GLIS3: variants seen among roughly 807,000 people sequenced by gnomAD.
The protein encoded by GLIS3 is GLIS family zinc finger 3.
In GLIS3, 53 loss-of-function variants were observed where a neutral mutation model predicts 78.6. The observed-to-expected ratio is 0.67, with a 90% CI of 0.54 to 0.85. GLIS3 has a LOEUF of 0.85. Among genes scored for constraint, GLIS3 ranks in the 40% least tolerant of loss-of-function variants. GLIS3 has a pLI of 0.00. For synonymous variants in GLIS3, 684 were observed against 509.9 expected, an observed-to-expected ratio of 1.34 and a Z score of -4.60; for missense variants, 1,703 against 1,231.1, an observed-to-expected ratio of 1.38 and a Z score of -5.74.
chr9:4,216,292 GA>G (rs1435785242), intron 2 of GLIS3, among the ~76,000 whole-genome samples: 3 of 151,788 alleles, frequency 2.0e-5, no homozygotes, highest in African/African-American at 7.3e-5. Flanking sequence ...CTAACATGGT[GA>G]AACCCCGCCT....
chr9:4,041,553 A>G (rs1824811880), intron 4 of GLIS3, among the ~76,000 whole-genome samples: 1 of 152,190 alleles, frequency 6.6e-6, no homozygotes, highest in African/African-American at 2.4e-5. Flanking sequence ...CTGTGATGTT[A>G]TCAGGTGCCT....
chr9:3,833,570 G>A (rs62521410), intron 9 of GLIS3, among the ~76,000 whole-genome samples: 29,622 of 152,136 alleles, frequency 0.19, 3,187 homozygotes, highest in Non-Finnish European at 0.24. Context: ...CAATCTGTCC[G>A]TCAGTCAATA....
At chr9:4,068,777 T>TTCTTCTG (rs1827321972) in intron 4 of GLIS3, among the ~76,000 whole-genome samples, 2 of 152,186 alleles carry the variant, frequency 1.3e-5, no homozygotes, top group Non-Finnish European at 2.9e-5. Flanking sequence ...GGGATTTTTT[T>TTCTTCTG]TCTTTCTTGA....
the GLIS3 span, among the ~76,000 whole-genome samples, chr9:4,447,638 G>C: frequency 6.6e-6 from 1 of 152,158 alleles, no homozygotes; most frequent in Non-Finnish European, 1.5e-5. Context: ...CTGAACCTCA[G>C]TCTGCTTCTA....
At chr9:4,319,345 A>T (rs1817486124) in intron 2 of GLIS3, among the ~76,000 whole-genome samples, 1 of 152,310 alleles carries the variant, frequency 6.6e-6, no homozygotes, top group Non-Finnish European at 1.5e-5. Flanking sequence ...GGGAGCAGGA[A>T]GAAACAGAAC....
the GLIS3 span, among the ~76,000 whole-genome samples, chr9:4,472,421 G>A: frequency 6.6e-6 from 1 of 152,298 alleles, no homozygotes; most frequent in East Asian, 1.9e-4. Context: ...GGAATACTAT[G>A]CAGCCATAAA....
the GLIS3 span, among the ~76,000 whole-genome samples, chr9:4,405,213 G>A: frequency 5.3e-5 from 8 of 152,176 alleles, no homozygotes; most frequent in East Asian, 1.5e-3. Flanking sequence ...AATTAGCCAG[G>A]TTTGGTGGTG....
chr9:4,116,942 T>C (rs1831692322), intron 4 of GLIS3, among the ~76,000 whole-genome samples: 3 of 152,216 alleles, frequency 2.0e-5, no homozygotes, highest in African/African-American at 7.2e-5. Flanking sequence ...TTATAAACCC[T>C]GAGGGTTTCT....
chr9:4,160,924 A>G (rs1835420991), intron 2 of GLIS3, among the ~76,000 whole-genome samples: 2 of 152,154 alleles, frequency 1.3e-5, no homozygotes, highest in Admixed American at 6.5e-5. Flanking sequence ...TCTAGAGGAT[A>G]CTGCTTTTAT....
intron 4 of GLIS3, among the ~76,000 whole-genome samples, chr9:4,094,864 T>C (rs1040659576): frequency 6.6e-6 from 1 of 152,120 alleles, no homozygotes; most frequent in Admixed American, 6.6e-5. Flanking sequence ...ATTTGCTATA[T>C]ATCAAATGAA....
At chr9:4,141,919 G>C (rs1356251746) in intron 2 of GLIS3, among the ~76,000 whole-genome samples, 2 of 152,142 alleles carry the variant, frequency 1.3e-5, no homozygotes, top group Non-Finnish European at 2.9e-5. Context: ...ACTTATAAGA[G>C]AACTAGAGTA....
At chr9:3,991,683 ATTTTTTTTTT>A (rs59495657) in intron 4 of GLIS3, among the ~76,000 whole-genome samples, 1 of 87,912 alleles carries the variant, frequency 1.1e-5, no homozygotes. Flanking sequence ...AAGTAGGCTG[ATTTTTTTTTT>A]TTTTTTTTTT....
rs183276116 is a variant in GLIS3 at position 4,178,481 on chromosome 9, G to A, written c.389-52540C>T. Among the ~76,000 whole-genome samples the A allele has an allele frequency of 3.9e-5, 6 of 152,298 alleles. No homozygotes were observed. The East Asian group carries it at 9.6e-4, about 24-fold the overall frequency. ...ACGATACTAGAAAAATCTGCAGCTA[G>A]GAGCATCCAATGTCTAGACTGCTGC... On this transcript the variant is annotated intron_variant, in intron 2 of 10. Coordinates refer to ENST00000381971, the MANE Select transcript of GLIS3 (RefSeq NM_001042413.2).
the GLIS3 span, among the ~76,000 whole-genome samples, chr9:4,399,055 A>C: frequency 2.6e-5 from 4 of 152,160 alleles, 1 homozygote; most frequent in South Asian, 8.3e-4. Flanking sequence ...GGTGAGATAG[A>C]CCATAACATT....
the GLIS3 span, among the ~76,000 whole-genome samples, chr9:4,409,985 C>G: frequency 2.2e-4 from 33 of 152,180 alleles, no homozygotes; most frequent in Admixed American, 1.8e-3. Context: ...GTATGGGTTT[C>G]TTTGAGACAG....
At chr9:4,270,817 A>G (rs1826431108) in intron 2 of GLIS3, among the ~76,000 whole-genome samples, 1 of 152,118 alleles carries the variant, frequency 6.6e-6, no homozygotes, top group African/African-American at 2.4e-5. Context: ...TGCAGATGGT[A>G]AGACTTCTCA....
the GLIS3 span, among the ~76,000 whole-genome samples, chr9:4,435,212 T>G: frequency 6.6e-6 from 1 of 152,240 alleles, no homozygotes; most frequent in Non-Finnish European, 1.5e-5. Flanking sequence ...CTTTCTTTGC[T>G]TGCTTTTTCC....
chr9:4,243,948 T>C (rs1345796359), intron 2 of GLIS3, among the ~76,000 whole-genome samples: 1 of 152,236 alleles, frequency 6.6e-6, no homozygotes, highest in Non-Finnish European at 1.5e-5. Context: ...CTTTTTTGTA[T>C]TACAACAAAA....
intron 4 of GLIS3, among the ~76,000 whole-genome samples, chr9:4,096,313 T>C (rs371711755): frequency 1.3e-5 from 2 of 152,214 alleles, no homozygotes; most frequent in African/African-American, 4.8e-5. Context: ...AGTTGTGTTA[T>C]AAGGACATAC....
Sources: allele counts gnomAD v4.1 joint callset (sites outside exome capture counted in the v4.1 genomes callset), GRCh38; gene constraint gnomAD v4.1.1; transcripts MANE v1.5; gene names NCBI Gene and HGNC (gene_info 2026-07-23, HGNC 2026-07-21).